PDCD5: variants seen among roughly 807,000 people sequenced by gnomAD.
PDCD5 encodes programmed cell death protein 5.
In PDCD5, 23 loss-of-function variants were observed where a neutral mutation model predicts 21.9. The ratio of observed to expected loss-of-function variants is 1.05; its 90% CI spans 0.76 to 1.49. The LOEUF is 1.49. PDCD5 is among the 40% of genes most tolerant of loss of function. PDCD5 has a pLI of 0.00. For missense variants in PDCD5, 152 were observed against 147.7 expected, an observed-to-expected ratio of 1.03 and a Z score of -0.15; for synonymous variants, 45 against 49.4, an observed-to-expected ratio of 0.91 and a Z score of 0.37.
chr19:32,583,162 C>T (rs1353342066), intron 2 of PDCD5, among the ~76,000 whole-genome samples: 3 of 152,182 alleles, frequency 2.0e-5, no homozygotes, highest in African/African-American at 7.2e-5. Context: ...TTGAGGTTTT[C>T]CCCTGCCTCC....
At chr19:32,584,175 A>T (rs1971455184) in intron 2 of PDCD5, among the ~76,000 whole-genome samples, 1 of 152,130 alleles carries the variant, frequency 6.6e-6, no homozygotes, top group South Asian at 2.1e-4. Context: ...GCAGTACTCA[A>T]ACCATAAAGA....
chr19:32,586,625 A>G, intron 4 of PDCD5: 1 of 1,248,148 alleles, frequency 8.0e-7, no homozygotes, highest in Non-Finnish European at 1.0e-6. Flanking sequence ...TTCCTGAGGA[A>G]GCAATTTTAT....
At position 32,587,417 on chromosome 19, in the gene PDCD5, A is replaced by C; in HGVS notation, c.*117A>C. The stretch of plus-strand genomic sequence containing the variant: ...TTTTAAAAAAATAAACTTGTTATGC[A>C]AAATAAAACATTTGGGTAAGTTGTT... On this transcript the variant is annotated 3_prime_UTR_variant, in exon 6 of 6. Coordinates refer to ENST00000590247, the MANE Select transcript of PDCD5 (RefSeq NM_004708.4). 1 of 632,222 alleles carries C rather than the reference A, an allele frequency of 1.6e-6. No homozygotes were observed. Among genetic ancestry groups the C allele is most frequent in the Non-Finnish European group, 2.6e-6 (1 of 382,150 alleles). The allele number at this position is 632,222 out of a possible 1,614,324, so 39.2% of individuals were successfully genotyped here.
chr19:32,583,320 CTT>C (rs1451749787), intron 2 of PDCD5, among the ~76,000 whole-genome samples: 1 of 152,056 alleles, frequency 6.6e-6, no homozygotes, highest in Non-Finnish European at 1.5e-5. Context: ...GAATGTTGCT[CTT>C]TGATACCCCA....
At chr19:32,585,226 T>G (rs554884427) in intron 3 of PDCD5, among the ~76,000 whole-genome samples, 2 of 152,320 alleles carry the variant, frequency 1.3e-5, no homozygotes, top group African/African-American at 4.8e-5. Flanking sequence ...TCTCCAGGTG[T>G]GTATTAGGTA....
At chr19:32,586,415 T>A in intron 4 of PDCD5, 8 of 1,148,112 alleles carry the variant, frequency 7.0e-6, no homozygotes, top group African/African-American at 1.6e-5. Context: ...CCTAAACCCC[T>A]CACACTGAGA....
intron 1 of PDCD5, 68 bp downstream of exon 1, chr19:32,581,395 C>A: frequency 8.8e-7 from 1 of 1,137,710 alleles, no homozygotes; most frequent in South Asian, 1.9e-5. Flanking sequence ...GTGTAGGGCG[C>A]GCCTCCGGGG....
At chr19:32,584,681 T>C (rs1247255221) in intron 2 of PDCD5, among the ~76,000 whole-genome samples, 2 of 152,228 alleles carry the variant, frequency 1.3e-5, no homozygotes, top group African/African-American at 4.8e-5. Context: ...TGATGGTGTT[T>C]GAACTGAGGC....
chr19:32,586,360 G>A (rs904297697), intron 4 of PDCD5: 6 of 1,237,596 alleles, frequency 4.8e-6, no homozygotes, highest in Non-Finnish European at 6.1e-6. Flanking sequence ...CCTGCCCTGA[G>A]AAGCCGTCTG....
intron 2 of PDCD5, among the ~76,000 whole-genome samples, chr19:32,584,708 T>C (rs1025030817): frequency 6.6e-6 from 1 of 152,224 alleles, no homozygotes; most frequent in African/African-American, 2.4e-5. Context: ...CTGATGAAAC[T>C]GTAAAGCTCA....
rs993392488 is a variant in PDCD5 at position 32,587,024 on chromosome 19, A to G, written c.330+95A>G. 1.3e-5 allele frequency: 15 copies of G among 1,151,524 alleles called. No homozygotes were observed. The Admixed American group carries it at 2.3e-4, about 17-fold the overall frequency. 71.3% of individuals were successfully genotyped at this position (1,151,524 alleles called of 1,614,324 possible). Reference sequence around the variant, plus strand: ...CTACCACACATATTTTTCAGCCCAGAGACATTTTCCTTTTGTCAAACACGT... The same window carrying G: ...CTACCACACATATTTTTCAGCCCAGGGACATTTTCCTTTTGTCAAACACGT... On this transcript the variant is annotated intron_variant, in intron 5 of 5. Coordinates refer to ENST00000590247, the MANE Select transcript of PDCD5 (RefSeq NM_004708.4).
At chr19:32,584,258 G>A (rs1320448844) in intron 2 of PDCD5, among the ~76,000 whole-genome samples, 1 of 152,136 alleles carries the variant, frequency 6.6e-6, no homozygotes, top group Non-Finnish European at 1.5e-5. Context: ...GTGGATAGTG[G>A]GCACAGCCAG....
intron 3 of PDCD5, 65 bp downstream of exon 3, chr19:32,585,076 C>T: frequency 9.3e-7 from 1 of 1,072,672 alleles, no homozygotes; most frequent in Non-Finnish European, 1.5e-6. Context: ...TGATTAGATA[C>T]CATTATTGCT....
At chr19:32,582,449 C>T (rs566340078) in intron 2 of PDCD5, among the ~76,000 whole-genome samples, 8 of 152,276 alleles carry the variant, frequency 5.3e-5, no homozygotes, top group African/African-American at 1.9e-4. Flanking sequence ...TGATGTTTCT[C>T]TGCTACAATG....
At chr19:32,583,989 G>T (rs1402767682) in intron 2 of PDCD5, among the ~76,000 whole-genome samples, 1 of 152,042 alleles carries the variant, frequency 6.6e-6, no homozygotes, top group Non-Finnish European at 1.5e-5. Flanking sequence ...CCGCCACCAT[G>T]CCCGGCTAAT....
chr19:32,584,403 T>G (rs987818989), intron 2 of PDCD5, among the ~76,000 whole-genome samples: 2 of 152,208 alleles, frequency 1.3e-5, no homozygotes, highest in Admixed American at 1.3e-4. Flanking sequence ...TACTTTCTAT[T>G]TGGGTAGGTA....
At chr19:32,586,365 C>A (rs1034279685) in intron 4 of PDCD5, 8 of 1,225,480 alleles carry the variant, frequency 6.5e-6, no homozygotes, top group Admixed American at 8.0e-5. Flanking sequence ...CCTGAGAAGC[C>A]GTCTGCTACC....
chr19:32,585,024 GATTTC>G lies in PDCD5; in HGVS notation c.166+19_166+23del, dbSNP rs1470504271. 6.2e-7 allele frequency: 1 copy of G among 1,605,370 alleles called. No individual in the cohort carries two copies. The highest frequency in any genetic ancestry group is 2.2e-5 in the East Asian group (1 of 44,850). On this transcript the variant is annotated intron_variant, in intron 3 of 5. Transcript: ENST00000590247. ...GCCCGGGCCAGGTGTAAGCATCTTT[GATTTC>G]ATTTCCATAAAGTTAGCTTGAGTTA...
At chr19:32,584,827 A>C (rs573305708) in intron 2 of PDCD5, 123 bp from the exon 3 acceptor site, 1 of 765,476 alleles carries the variant, frequency 1.3e-6, no homozygotes, top group African/African-American at 1.7e-5. Flanking sequence ...CAACTACCAT[A>C]ATGCAGTTTG....
Sources: gnomAD v4.1 joint callset for allele counts (sites outside exome capture counted in the v4.1 genomes callset) on GRCh38, gnomAD v4.1.1 for gene constraint, MANE v1.5 for transcripts, NCBI Gene and HGNC (gene_info 2026-07-23, HGNC 2026-07-21) for gene names.